HEMK2: variants seen among roughly 807,000 people sequenced by gnomAD.
The protein encoded by HEMK2 is methyltransferase HEMK2.
At chr21:28,778,160 G>A in the HEMK2 span, among the ~76,000 whole-genome samples, 2 of 152,090 alleles carry the variant, frequency 1.3e-5, no homozygotes, top group Admixed American at 1.3e-4. Context: ...GCAACTATTA[G>A]GCTATCCTCC....
the HEMK2 span, among the ~76,000 whole-genome samples, chr21:28,841,428 A>AGATTATATATATATAATAT: frequency 2.0e-5 from 1 of 51,260 alleles, no homozygotes; most frequent in Non-Finnish European, 3.3e-5. Flanking sequence ...TATATATAAA[A>AGATTATATATATATAATAT]TATATATATT....
the HEMK2 span, among the ~76,000 whole-genome samples, chr21:28,628,067 A>G: frequency 3.3e-5 from 5 of 152,284 alleles, no homozygotes; most frequent in East Asian, 9.7e-4. Flanking sequence ...CATTTTCAAT[A>G]AATCTCTGCT....
the HEMK2 span, among the ~76,000 whole-genome samples, chr21:28,759,501 T>A: frequency 6.6e-6 from 1 of 152,198 alleles, no homozygotes; most frequent in Non-Finnish European, 1.5e-5. Context: ...TGTGGACTTT[T>A]GAGTTAATGC....
At chr21:28,656,891 A>G in the HEMK2 span, among the ~76,000 whole-genome samples, 1 of 152,062 alleles carries the variant, frequency 6.6e-6, no homozygotes, top group East Asian at 1.9e-4. Flanking sequence ...CTGATCCTTC[A>G]TTTCTTCAAG....
At chr21:28,586,831 A>G in the HEMK2 span, among the ~76,000 whole-genome samples, 152,253 of 152,260 alleles carry the variant, frequency 1, 76,123 homozygotes, top group Middle Eastern at 1. Flanking sequence ...CAGGGGGGTA[A>G]TGAATGAACT....
the HEMK2 span, among the ~76,000 whole-genome samples, chr21:28,600,941 T>C: frequency 5.9e-5 from 9 of 152,190 alleles, no homozygotes; most frequent in Non-Finnish European, 1.0e-4. Flanking sequence ...TACTCCTCCA[T>C]AATAACAAAT....
chr21:28,843,805 T>A, the HEMK2 span, among the ~76,000 whole-genome samples: 2 of 152,156 alleles, frequency 1.3e-5, no homozygotes, highest in African/African-American at 2.4e-5. Flanking sequence ...CATGCCATTA[T>A]CCTTTGCCAA....
chr21:28,616,670 T>C, the HEMK2 span, among the ~76,000 whole-genome samples: 1 of 152,194 alleles, frequency 6.6e-6, no homozygotes, highest in Non-Finnish European at 1.5e-5. Flanking sequence ...TGTGTTCTTG[T>C]AATTTGTTTT....
chr21:28,660,724 G>T, the HEMK2 span, among the ~76,000 whole-genome samples: 1 of 151,854 alleles, frequency 6.6e-6, no homozygotes, highest in Non-Finnish European at 1.5e-5. Flanking sequence ...TCCTTTGTCT[G>T]GTTTTAAAAT....
chr21:28,700,844 C>CACAT, the HEMK2 span, among the ~76,000 whole-genome samples: 1 of 151,374 alleles, frequency 6.6e-6, no homozygotes, highest in East Asian at 1.9e-4. Context: ...CACACACACA[C>CACAT]ACAAAGAACA....
At chr21:28,648,801 ATACTTT>A in the HEMK2 span, among the ~76,000 whole-genome samples, 1 of 152,142 alleles carries the variant, frequency 6.6e-6, no homozygotes, top group South Asian at 2.1e-4. Context: ...TTTATTTATT[ATACTTT>A]AAGTTTTAGG....
At chr21:28,788,778 G>A in the HEMK2 span, among the ~76,000 whole-genome samples, 11 of 151,576 alleles carry the variant, frequency 7.3e-5, no homozygotes, top group African/African-American at 1.2e-4. Flanking sequence ...CTCTCAGAAC[G>A]TAACCCTATT....
chr21:28,737,227 C>T, the HEMK2 span, among the ~76,000 whole-genome samples: 1 of 152,160 alleles, frequency 6.6e-6, no homozygotes, highest in Admixed American at 6.5e-5. Flanking sequence ...AGAGTTTAAG[C>T]GATTCTTGGG....
At chr21:28,831,470 A>AAAGAACGAAAGAAC in the HEMK2 span, among the ~76,000 whole-genome samples, 3 of 37,480 alleles carry the variant, frequency 8.0e-5, no homozygotes, top group East Asian at 8.1e-4. Flanking sequence ...AACGAAAGAA[A>AAAGAACGAAAGAAC]GAAAGAAAGA....
the HEMK2 span, among the ~76,000 whole-genome samples, chr21:28,772,605 T>C: frequency 3.9e-5 from 6 of 152,350 alleles, no homozygotes; most frequent in South Asian, 4.1e-4. Flanking sequence ...TTTCAAATTA[T>C]AGCGTTTTGG....
At chr21:28,623,914 A>G in the HEMK2 span, among the ~76,000 whole-genome samples, 1 of 152,266 alleles carries the variant, frequency 6.6e-6, no homozygotes, top group Middle Eastern at 3.4e-3. Flanking sequence ...GCAAACCACC[A>G]TGGCACGTGT....
At chr21:28,668,509 C>A in the HEMK2 span, among the ~76,000 whole-genome samples, 1 of 152,092 alleles carries the variant, frequency 6.6e-6, no homozygotes, top group African/African-American at 2.4e-5. Flanking sequence ...AAAAAAGCAA[C>A]GACATAAACA....
the HEMK2 span, among the ~76,000 whole-genome samples, chr21:28,835,728 A>G: frequency 6.6e-6 from 1 of 152,212 alleles, no homozygotes; most frequent in Non-Finnish European, 1.5e-5. Flanking sequence ...AATGCAAGGA[A>G]ATCCAAAAAA....
At chr21:28,627,967 C>G in the HEMK2 span, among the ~76,000 whole-genome samples, 1 of 152,068 alleles carries the variant, frequency 6.6e-6, no homozygotes, top group Non-Finnish European at 1.5e-5. Flanking sequence ...AATGGGAAAC[C>G]TCTAGAGGGT....
Sources: gnomAD v4.1 joint callset for allele counts (sites outside exome capture counted in the v4.1 genomes callset) on GRCh38, gnomAD v4.1.1 for gene constraint, MANE v1.5 for transcripts, NCBI Gene and HGNC (gene_info 2026-07-23, HGNC 2026-07-21) for gene names.